The following DYNC1I2 variants were observed in gnomAD, a reference collection of about 807,000 sequenced individuals.
DYNC1I2 encodes the protein dynein cytoplasmic 1 intermediate chain 2, also known as cytoplasmic dynein 1 intermediate chain 2.
DYNC1I2 carries 53 observed loss-of-function variants against 88.6 expected under a neutral mutation model. The ratio of observed to expected loss-of-function variants is 0.60; its 90% CI spans 0.48 to 0.75. The LOEUF (loss-of-function observed/expected upper bound fraction) is 0.75, where lower values mean the gene tolerates loss of function less well. Ranked by LOEUF, DYNC1I2 falls within the 30% of genes least tolerant of loss-of-function variation. The pLI is 0.00. For missense variants in DYNC1I2, 458 were observed against 766.6 expected, an observed-to-expected ratio of 0.60 and a Z score of 4.75; for synonymous variants, 198 against 254.6, an observed-to-expected ratio of 0.78 and a Z score of 2.12.
At chr2:171,688,769 C>G (rs917116680) in intron 1 of DYNC1I2, 1 of 152,116 alleles carries the variant, frequency 6.6e-6, no homozygotes, top group African/African-American at 2.4e-5. Context: ...GTGAATTTCT[C>G]CTCTTGACTG....
At chr2:171,696,994 AATT>A (rs538863433) in intron 3 of DYNC1I2, among the ~76,000 whole-genome samples, 2 of 150,680 alleles carry the variant, frequency 1.3e-5, no homozygotes. Flanking sequence ...TATTTTTCTT[AATT>A]ATTATTATTA....
intron 15 of DYNC1I2, among the ~76,000 whole-genome samples, chr2:171,733,873 T>C (rs1177129611): frequency 1.3e-5 from 2 of 152,118 alleles, no homozygotes; most frequent in Non-Finnish European, 2.9e-5. Context: ...TTTTTGCCCA[T>C]GGCTATGTAC....
At chr2:171,710,583 G>A (rs1219779416) in intron 5 of DYNC1I2, among the ~76,000 whole-genome samples, 4 of 152,080 alleles carry the variant, frequency 2.6e-5, no homozygotes, top group Admixed American at 6.6e-5. Flanking sequence ...ATAAAAGGTC[G>A]TGAGAAATAA....
intron 6 of DYNC1I2, among the ~76,000 whole-genome samples, chr2:171,714,358 G>A (rs1290322543): frequency 1.3e-5 from 2 of 151,966 alleles, no homozygotes; most frequent in African/African-American, 2.4e-5. Context: ...TTACTAAATA[G>A]AACTGAAAAG....
At chr2:171,746,225 T>TA (rs1259423355) in intron 17 of DYNC1I2, among the ~76,000 whole-genome samples, 1 of 152,178 alleles carries the variant, frequency 6.6e-6, no homozygotes, top group East Asian at 1.9e-4. Flanking sequence ...AGTTTGGAGT[T>TA]ATAGGTGGAC....
intron 7 of DYNC1I2, 101 bp downstream of exon 7, chr2:171,715,544 T>C (rs1687430701): frequency 1.2e-6 from 1 of 809,996 alleles, no homozygotes; most frequent in South Asian, 2.1e-5. Context: ...TTTTTTGCTT[T>C]TGTGTTTTGG....
intron 15 of DYNC1I2, 118 bp downstream of exon 15, chr2:171,729,971 C>G (rs368507768): frequency 9.0e-6 from 11 of 1,225,670 alleles, no homozygotes; most frequent in Middle Eastern, 2.1e-4. Context: ...ATAGATGAAG[C>G]CTGCTAGGAA....
chr2:171,690,712 G>A (rs572918923), intron 2 of DYNC1I2, among the ~76,000 whole-genome samples: 2 of 146,452 alleles, frequency 1.4e-5, no homozygotes, highest in East Asian at 4.0e-4. Flanking sequence ...GGAGTGCAGT[G>A]GTTTGAGCAC....
chr2:171,715,905 AT>A (rs997385762), intron 7 of DYNC1I2, among the ~76,000 whole-genome samples: 2 of 152,052 alleles, frequency 1.3e-5, no homozygotes, highest in Admixed American at 6.5e-5. Flanking sequence ...TAATTCTTAA[AT>A]TTTCTCTTTT....
intron 6 of DYNC1I2, among the ~76,000 whole-genome samples, chr2:171,714,007 G>A (rs1687312826): frequency 1.3e-5 from 2 of 152,114 alleles, no homozygotes; most frequent in Non-Finnish European, 2.9e-5. Flanking sequence ...ATGCATTCAA[G>A]TTGGTAATTG....
rs532486175 is a variant in DYNC1I2, at chr2:171,704,591, G to A, written c.227-1956G>A. Among the ~76,000 whole-genome samples the A allele has an allele frequency of 1.3e-3, 204 of 152,100 alleles. 1 individual carries two copies. Among genetic ancestry groups the A allele is most frequent in the Non-Finnish European group, 2.2e-3 (152 of 67,972 alleles). ...TACTTGGCAAAAATTAATTAGTAAT[G>A]GTTTATGTTATTTTCAAGGCTGATT... On this transcript the variant is annotated intron_variant, in intron 3 of 17. Coordinates refer to ENST00000397119, the MANE Select transcript of DYNC1I2 (RefSeq NM_001378.3).
intron 3 of DYNC1I2, among the ~76,000 whole-genome samples, chr2:171,698,410 G>A (rs569097349): frequency 1.3e-5 from 2 of 151,860 alleles, no homozygotes; most frequent in South Asian, 2.1e-4. Context: ...TTTGAGACAG[G>A]GTTTCACTTT....
rs779237327 is a variant in DYNC1I2 at position 171,728,715 on chromosome 2, A to G, written c.1258-2A>G. ...CTAATTTTCTCAGGTTTTTCTATGT[A>G]GGATAGCATGGAGTTGGTTCATAAA... is the stretch of plus-strand genomic sequence containing the variant. On this transcript the variant is annotated splice_acceptor_variant, in intron 13 of 17. Coordinates refer to ENST00000397119, the MANE Select transcript of DYNC1I2 (RefSeq NM_001378.3). LOFTEE classifies it high-confidence loss of function. 1 of 1,577,756 alleles carries G rather than the reference A, an allele frequency of 6.3e-7. No homozygotes were observed. The highest frequency in any genetic ancestry group is 8.6e-7 in the Non-Finnish European group (1 of 1,165,538).
chr2:171,706,633 A>G, intron 4 of DYNC1I2, 69 bp downstream of exon 4: 1 of 1,420,224 alleles, frequency 7.0e-7, no homozygotes, highest in Non-Finnish European at 9.9e-7. Context: ...CATAATGTCT[A>G]GAAGGCATGC....
At chr2:171,728,117 T>A in intron 12 of DYNC1I2, 150 bp downstream of exon 12, 1 of 1,054,972 alleles carries the variant, frequency 9.5e-7, no homozygotes, top group Non-Finnish European at 1.3e-6. Flanking sequence ...AAGGCTATTT[T>A]TTTTTTTGGA....
chr2:171,703,093 T>TA (rs1236962141), intron 3 of DYNC1I2, among the ~76,000 whole-genome samples: 1 of 152,194 alleles, frequency 6.6e-6, no homozygotes, highest in Admixed American at 6.5e-5. Flanking sequence ...GCAAGGAGAA[T>TA]ATATTACTTA....
At chr2:171,707,585 A>G (rs1333638274) in intron 5 of DYNC1I2, among the ~76,000 whole-genome samples, 1 of 152,166 alleles carries the variant, frequency 6.6e-6, no homozygotes, top group African/African-American at 2.4e-5. Flanking sequence ...GTCACATTTA[A>G]TTAACTTAGT....
chr2:171,693,809 T>C (rs1685559258), intron 3 of DYNC1I2, among the ~76,000 whole-genome samples: 1 of 152,246 alleles, frequency 6.6e-6, no homozygotes, highest in East Asian at 1.9e-4. Flanking sequence ...GACTGAAGTA[T>C]ATTAATTTTA....
rs1462172125 is a variant in DYNC1I2, at chr2:171,687,477, T to G, written c.-160T>G. On this transcript the variant is annotated 5_prime_UTR_variant, in exon 1 of 18. Transcript: ENST00000397119. ...TGCCGGGGTTTGTAGTTCTTCTCGA[T>G]CGTGTCAGTTTGTAAGGCGAGGGCG... 1 of 152,220 alleles carries G rather than the reference T, an allele frequency of 6.6e-6. No individual in the cohort carries two copies. The highest frequency in any genetic ancestry group is 1.5e-5 in the Non-Finnish European group (1 of 68,044). The allele number at this position is 152,220 out of a possible 1,614,324, so 9.4% of individuals were successfully genotyped here.
Sources: allele counts gnomAD v4.1 joint callset (sites outside exome capture counted in the v4.1 genomes callset), GRCh38; gene constraint gnomAD v4.1.1; transcripts MANE v1.5; gene names NCBI Gene and HGNC (gene_info 2026-07-23, HGNC 2026-07-21).